ZNF438: variants seen among roughly 807,000 people sequenced by gnomAD.
ZNF438 encodes the protein zinc finger protein 438.
In ZNF438, 25 loss-of-function variants were observed where a neutral mutation model predicts 38.0. That is an observed-to-expected ratio of 0.66 (90% CI 0.48 to 0.92). The LOEUF is 0.92. ZNF438 is among the 40% of genes least tolerant of loss of function. The pLI, the probability that ZNF438 is intolerant of heterozygous loss-of-function variation, is 0.00. For missense variants in ZNF438, 1,007 were observed against 999.6 expected, an observed-to-expected ratio of 1.01 and a Z score of -0.10; for synonymous variants, 372 against 364.1, an observed-to-expected ratio of 1.02 and a Z score of -0.25.
exon 6 of ZNF438, chr10:30,844,736 A>G (rs1405564338): frequency 2.0e-6 from 1 of 507,066 alleles, no homozygotes; most frequent in South Asian, 3.2e-5. Context: ...GATATTAAGA[A>G]TCAGTACGTA....
At chr10:30,984,122 C>T (rs906321497) in intron 1 of ZNF438, among the ~76,000 whole-genome samples, 2 of 152,096 alleles carry the variant, frequency 1.3e-5, no homozygotes, top group African/African-American at 4.8e-5. Flanking sequence ...GTCTTATAAA[C>T]AATATCTTCA....
At chr10:31,004,801 T>G (rs1344372579) in intron 1 of ZNF438, among the ~76,000 whole-genome samples, 3 of 151,822 alleles carry the variant, frequency 2.0e-5, no homozygotes, top group Non-Finnish European at 4.4e-5. Context: ...TAAGTAGAAA[T>G]GTGGGGGAGG....
intron 4 of ZNF438, among the ~76,000 whole-genome samples, chr10:30,871,233 T>C (rs2037359050): frequency 6.6e-6 from 1 of 152,164 alleles, no homozygotes; most frequent in Admixed American, 6.6e-5. Context: ...CCTTTGCTTC[T>C]TTTGCTCATT....
At position 30,977,047 on chromosome 10, in the gene ZNF438, A is replaced by C. The variant is rs560425006; in HGVS notation, c.-191-35396T>G. On this transcript the variant is annotated intron_variant, in intron 1 of 5. Coordinates refer to ENST00000413025, the Ensembl canonical transcript of ZNF438. ...TAGGCTAGTCCAGAAATACAACCAT[A>C]AAAATCTAGAAAAGCAGAATGCCAT... Among the ~76,000 whole-genome samples, 7 of 152,290 alleles carry C rather than the reference A, an allele frequency of 4.6e-5. No individual in the cohort carries two copies. The South Asian group carries it at 1.0e-3, about 23-fold the overall frequency.
At chr10:30,910,153 A>AC (rs2042937113) in intron 2 of ZNF438, among the ~76,000 whole-genome samples, 1 of 151,838 alleles carries the variant, frequency 6.6e-6, no homozygotes, top group South Asian at 2.1e-4. Context: ...GTGTTAGAGT[A>AC]CAATTACCTT....
At chr10:30,865,668 T>A (rs773766897) in intron 4 of ZNF438, among the ~76,000 whole-genome samples, 5 of 152,192 alleles carry the variant, frequency 3.3e-5, no homozygotes, top group Admixed American at 2.6e-4. Flanking sequence ...TATGGTGTAA[T>A]GATTTGGATC....
chr10:31,003,168 C>A (rs971882985), intron 1 of ZNF438, among the ~76,000 whole-genome samples: 1 of 151,746 alleles, frequency 6.6e-6, no homozygotes. Flanking sequence ...CAATCTTGTA[C>A]AACAAAAACC....
chr10:30,967,989 G>C (rs554388241), intron 1 of ZNF438, among the ~76,000 whole-genome samples: 1 of 152,252 alleles, frequency 6.6e-6, no homozygotes, highest in South Asian at 2.1e-4. Context: ...AGCAGAGAGG[G>C]ATGGAGAAAA....
intron 2 of ZNF438, among the ~76,000 whole-genome samples, chr10:30,925,873 T>C (rs2044852716): frequency 1.3e-5 from 2 of 152,214 alleles, no homozygotes; most frequent in African/African-American, 2.4e-5. Context: ...TAAGCTGTTA[T>C]ACAATTTGGG....
chr10:31,025,933 G>A lies in ZNF438; in HGVS notation c.-192+5900C>T, dbSNP rs79036458. Among the ~76,000 whole-genome samples, 258 of 152,204 alleles carry A rather than the reference G, an allele frequency of 1.7e-3. 2 individuals carry two copies. The highest frequency in any genetic ancestry group is 5.5e-3 in the African/African-American group (228 of 41,556). On this transcript the variant is annotated intron_variant, in intron 1 of 5. Coordinates refer to ENST00000413025, the Ensembl canonical transcript of ZNF438. The stretch of plus-strand genomic sequence containing the variant: ...ATATATATGAGTTGAAGATAATAAT[G>A]CAAAAATAAAAGTGATTGCAAGAAG...
Position 30,899,400 on chromosome 10 carries a change from T to G in ZNF438, c.-32+9533A>C, listed in dbSNP as rs1331509178. Among the ~76,000 whole-genome samples, 6 of 152,280 alleles carry G rather than the reference T, an allele frequency of 3.9e-5. No homozygotes were observed. The East Asian group carries it at 1.2e-3, about 29-fold the overall frequency. ...ATTCGTGTGACAAAATTAAAGCACATGCTCTCCAAGTACAACTGCTAAAAG... is the reference window on the plus strand; with the variant it reads ...ATTCGTGTGACAAAATTAAAGCACAGGCTCTCCAAGTACAACTGCTAAAAG... On this transcript the variant is annotated intron_variant, in intron 3 of 5. Transcript: ENST00000413025.
exon 5 of ZNF438, chr10:30,850,136 C>T (rs1280544013): frequency 2.5e-6 from 4 of 1,613,888 alleles, no homozygotes; most frequent in Non-Finnish European, 2.5e-6. Flanking sequence ...AGAAAATGTC[C>T]CCTCCTGGCC....
At chr10:31,004,284 C>T (rs1334280152) in intron 1 of ZNF438, among the ~76,000 whole-genome samples, 3 of 152,086 alleles carry the variant, frequency 2.0e-5, no homozygotes, top group South Asian at 4.1e-4. Flanking sequence ...GATAATAAGA[C>T]TTACACAAAA....
At chr10:30,868,419 T>G (rs2036839175) in intron 4 of ZNF438, among the ~76,000 whole-genome samples, 1 of 152,126 alleles carries the variant, frequency 6.6e-6, no homozygotes, top group African/African-American at 2.4e-5. Flanking sequence ...TAAAATTATT[T>G]TATCCAAACA....
chr10:30,881,315 A>T (rs1278657707), intron 3 of ZNF438, among the ~76,000 whole-genome samples: 1 of 152,192 alleles, frequency 6.6e-6, no homozygotes, highest in Non-Finnish European at 1.5e-5. Flanking sequence ...TGCAAAAATA[A>T]ATTATATTTT....
At chr10:30,974,980 A>T (rs1346241843) in intron 1 of ZNF438, among the ~76,000 whole-genome samples, 1 of 152,190 alleles carries the variant, frequency 6.6e-6, no homozygotes, top group African/African-American at 2.4e-5. Flanking sequence ...CCCTAACCTG[A>T]TAATCCTGGA....
At chr10:30,921,741 G>T (rs2044319225) in intron 2 of ZNF438, among the ~76,000 whole-genome samples, 2 of 152,166 alleles carry the variant, frequency 1.3e-5, no homozygotes, top group Non-Finnish European at 2.9e-5. Context: ...TAAAACTGAG[G>T]AACATCCGAG....
chr10:30,998,326 G>A (rs995616467), intron 1 of ZNF438, among the ~76,000 whole-genome samples: 3 of 151,760 alleles, frequency 2.0e-5, no homozygotes. Context: ...GGATCATGAG[G>A]TCAGGAGTTT....
chr10:30,952,392 C>T (rs1220647075), intron 1 of ZNF438, among the ~76,000 whole-genome samples: 3 of 152,044 alleles, frequency 2.0e-5, no homozygotes, highest in Admixed American at 6.6e-5. Flanking sequence ...AAAGCCAAAA[C>T]TGACAAATGG....
Sources: allele counts gnomAD v4.1 joint callset (sites outside exome capture counted in the v4.1 genomes callset), GRCh38; gene constraint gnomAD v4.1.1; transcripts MANE v1.5; gene names NCBI Gene and HGNC (gene_info 2026-07-23, HGNC 2026-07-21).